Variants in GSN observed in about 807,000 individuals in gnomAD.
The protein encoded by GSN is gelsolin.
A neutral mutation model predicts 85.7 loss-of-function variants in GSN; 56 were observed. The observed-to-expected ratio is 0.65, with a 90% CI of 0.53 to 0.82. The LOEUF (loss-of-function observed/expected upper bound fraction) is 0.82, where lower values mean the gene tolerates loss of function less well. GSN is among the 40% of genes least tolerant of loss of function. The pLI, the probability that GSN is intolerant of heterozygous loss-of-function variation, is 0.00. For missense variants in GSN, 857 were observed against 979.8 expected (o/e 0.87, Z 1.67); for synonymous variants, 373 against 399.1 (o/e 0.93, Z 0.78).
At chr9:121,321,501 A>C (rs1173568660) in intron 11 of GSN, 100 bp downstream of exon 11, 1 of 1,140,480 alleles carries the variant, frequency 8.8e-7, no homozygotes, top group East Asian at 2.4e-5. Context: ...AGGTGGGACC[A>C]CCACTCCCTG....
At position 121,286,472 on chromosome 9, in the gene GSN, C is replaced by G. The variant is rs1209926236; in HGVS notation, c.-10+4910C>G. 9.6e-6 allele frequency: 8 copies of G among 835,634 alleles called. No individual in the cohort carries two copies. In the East Asian group the frequency reaches 2.1e-4, roughly 22 times the overall value. 51.8% of individuals were successfully genotyped at this position (835,634 alleles called of 1,614,324 possible). The stretch of plus-strand genomic sequence containing the variant: ...TACGCTTCCTTGTGCAGGCCACACC[C>G]CCAAGCCTTTGCGTCTGTTGTTCCC... On this transcript the variant is annotated intron_variant, in intron 2 of 17. Transcript: ENST00000432226.
chr9:121,266,169 T>C (rs1050776470), upstream of GSN, among the ~76,000 whole-genome samples: 4 of 152,228 alleles, frequency 2.6e-5, no homozygotes, highest in Admixed American at 2.6e-4. Flanking sequence ...TAGCTTAGAA[T>C]GTGAACCCTT....
rs768148669 is a variant in GSN at position 121,317,228 on chromosome 9, A to G, written c.886+10A>G. 67 of 1,613,904 alleles carry G rather than the reference A, an allele frequency of 4.2e-5. 1 individual carries two copies. The Middle Eastern group carries it at 1.6e-3, about 40-fold the overall frequency. ...ATCTTTGTCTGGAAAGGTACTGGAG[A>G]CAGGGAAAGGGTCCCAACTGGCCTG... is the stretch of plus-strand genomic sequence containing the variant. On this transcript the variant is annotated intron_variant, in intron 8 of 17. Coordinates refer to ENST00000432226, the MANE Select transcript of GSN (RefSeq NM_198252.3).
At chr9:121,219,289 A>G (rs1364462029) in intron 4 of GSN, among the ~76,000 whole-genome samples, 1 of 149,652 alleles carries the variant, frequency 6.7e-6, no homozygotes, top group Non-Finnish European at 1.5e-5. Flanking sequence ...AATAGAGACT[A>G]GTCTCACCAT....
Position 121,301,996 on chromosome 9 carries a change from C to T in GSN, c.25C>T (p.Leu9Phe). Residue 9 changes from leucine (L) to phenylalanine (F), a missense_variant, in exon 3 of 18, where the codon CTC becomes TTC. By Grantham distance (22) the Leu-to-Phe change is conservative. Transcript: ENST00000432226. MVVEHPEF[L>F]KAGKEPGLQI... ...CATGGTGGTGGAACACCCCGAGTTC[C>T]TCAAGGCAGGGAAGGAGCCTGGCCT... is the stretch of plus-strand genomic sequence containing the variant. 6.2e-7 allele frequency: 1 copy of T among 1,614,258 alleles called. No individual in the cohort carries two copies. The highest frequency in any genetic ancestry group is 8.5e-7 in the Non-Finnish European group (1 of 1,180,034).
chr9:121,313,958 C>G lies in GSN; in HGVS notation c.688C>G (p.Pro230Ala). 2 of 1,614,146 alleles carry G rather than the reference C, an allele frequency of 1.2e-6. No homozygotes were observed. The highest frequency in any genetic ancestry group is 1.7e-6 in the Non-Finnish European group (2 of 1,179,954). Reference protein sequence around the residue: ...LQVLGPKPALPAGTEDTAKED... With the variant: ...LQVLGPKPALAAGTEDTAKED... ...GGTGCTGGGCCCCAAGCCGGCTCTG[C>G]CTGCAGGTACCGAGGACACCGCCAA... Residue 230 changes from proline to alanine, a missense_variant, in exon 7 of 18, where the codon CCT becomes GCT. Physicochemically the swap from Pro to Ala is conservative, Grantham distance 27. Coordinates refer to ENST00000432226, the MANE Select transcript of GSN (RefSeq NM_198252.3).
intron 1 of GSN, among the ~76,000 whole-genome samples, chr9:121,278,868 C>T (rs1007346696): frequency 6.6e-6 from 1 of 152,230 alleles, no homozygotes; most frequent in Non-Finnish European, 1.5e-5. Flanking sequence ...GTCTGAATCT[C>T]AGGGAGAGTG....
chr9:121,260,574 C>T (rs980228816), intron 6 of GSN, among the ~76,000 whole-genome samples: 2 of 152,186 alleles, frequency 1.3e-5, no homozygotes, highest in South Asian at 2.1e-4. Flanking sequence ...TGCAGCACAA[C>T]CAGGGGCTGG....
At chr9:121,290,090 T>G (rs972491456) in intron 2 of GSN, among the ~76,000 whole-genome samples, 1 of 152,100 alleles carries the variant, frequency 6.6e-6, no homozygotes, top group African/African-American at 2.4e-5. Context: ...TCAGCCTTTA[T>G]GTACTGTCTT....
chr9:121,264,059 G>C (rs990994717), upstream of GSN, among the ~76,000 whole-genome samples: 1 of 152,040 alleles, frequency 6.6e-6, no homozygotes, highest in Admixed American at 6.5e-5. Flanking sequence ...GGAACACAGA[G>C]CCAGACCATA....
intron 5 of GSN, among the ~76,000 whole-genome samples, chr9:121,241,685 G>GA (rs1200660179): frequency 4.6e-5 from 7 of 152,164 alleles, no homozygotes; most frequent in African/African-American, 1.7e-4. Context: ...AGATAAATAG[G>GA]AAAAATCACA....
At chr9:121,272,436 G>A (rs927884631) in intron 1 of GSN, among the ~76,000 whole-genome samples, 1 of 151,892 alleles carries the variant, frequency 6.6e-6, no homozygotes. Flanking sequence ...ACAGCATAAT[G>A]TCAGCCTTCC....
chr9:121,317,001 A>AG (rs2061786774), intron 7 of GSN, 85 bp from the exon 8 acceptor site: 21 of 1,569,636 alleles, frequency 1.3e-5, no homozygotes, highest in Middle Eastern at 2.0e-4. Context: ...CATTTGGGAC[A>AG]GGGGGTGGGG....
chr9:121,296,328 C>T (rs867751899), intron 2 of GSN, among the ~76,000 whole-genome samples: 30 of 152,244 alleles, frequency 2.0e-4, no homozygotes, highest in Middle Eastern at 3.4e-3. Context: ...CAGGCTGGGC[C>T]CAGAGGTGAG....
chr9:121,209,730 G>T (rs898375525), intron 2 of GSN, among the ~76,000 whole-genome samples: 2 of 152,176 alleles, frequency 1.3e-5, no homozygotes, highest in African/African-American at 4.8e-5. Context: ...TAAACACTCA[G>T]GAAACAGAAG....
intron 14 of GSN, 126 bp downstream of exon 14, chr9:121,327,608 A>G (rs2063382863): frequency 1.3e-6 from 1 of 756,044 alleles, no homozygotes; most frequent in African/African-American, 1.8e-5. Context: ...CCCCTAATGT[A>G]TGTTAAATAA....
At chr9:121,266,506 C>T (rs889490943), upstream of GSN, among the ~76,000 whole-genome samples, 1 of 152,160 alleles carries the variant, frequency 6.6e-6, no homozygotes, top group Non-Finnish European at 1.5e-5. Flanking sequence ...AGCCTCCCTG[C>T]GGGGTGGATA....
intron 1 of GSN, among the ~76,000 whole-genome samples, chr9:121,278,327 G>A (rs536261685): frequency 6.6e-6 from 1 of 152,298 alleles, no homozygotes; most frequent in South Asian, 2.1e-4. Context: ...ATTGTTATTA[G>A]GGGTGGCCAT....
At chr9:121,330,375 C>T (rs1389210016) in intron 16 of GSN, among the ~76,000 whole-genome samples, 1 of 152,186 alleles carries the variant, frequency 6.6e-6, no homozygotes, top group African/African-American at 2.4e-5. Context: ...GAGTTCAAGA[C>T]CAGCCTGGCC....
Sources: allele counts gnomAD v4.1 joint callset (sites outside exome capture counted in the v4.1 genomes callset), GRCh38; gene constraint gnomAD v4.1.1; transcripts MANE v1.5; gene names NCBI Gene and HGNC (gene_info 2026-07-23, HGNC 2026-07-21).